The following ADAMTS19 variants were observed in gnomAD, a reference collection of about 807,000 sequenced individuals.
ADAMTS19 encodes A disintegrin and metalloproteinase with thrombospondin motifs 19.
In ADAMTS19, 93 loss-of-function variants were observed where a neutral mutation model predicts 153.3. The ratio of observed to expected loss-of-function variants is 0.61; its 90% confidence interval spans 0.51 to 0.72. ADAMTS19 has a LOEUF of 0.72. Among genes scored for constraint, ADAMTS19 ranks in the 30% least tolerant of loss-of-function variants. The pLI, the probability that ADAMTS19 is intolerant of heterozygous loss-of-function variation, is 0.00. For synonymous variants in ADAMTS19, 600 were observed against 556.6 expected, an observed-to-expected ratio of 1.08 and a Z score of -1.10; for missense variants, 1,482 against 1,552.1, an observed-to-expected ratio of 0.95 and a Z score of 0.76.
chr5:129,684,484 A>G (rs1754976812), intron 18 of ADAMTS19, among the ~76,000 whole-genome samples: 1 of 124,142 alleles, frequency 8.1e-6, no homozygotes, highest in South Asian at 2.6e-4. Context: ...ACATATCTCA[A>G]TATGACTACT....
chr5:129,650,029 A>G (rs1361453918), intron 13 of ADAMTS19, among the ~76,000 whole-genome samples: 1 of 152,064 alleles, frequency 6.6e-6, no homozygotes, highest in Admixed American at 6.6e-5. Context: ...AATACAGAAA[A>G]AAAAATTAGC....
At chr5:129,727,493 T>A (rs1200767661) in intron 21 of ADAMTS19, among the ~76,000 whole-genome samples, 2 of 152,194 alleles carry the variant, frequency 1.3e-5, no homozygotes, top group African/African-American at 4.8e-5. Context: ...TGGCAGTATG[T>A]GGAAAAGGGA....
chr5:129,467,968 G>C (rs115460545), intron 2 of ADAMTS19, among the ~76,000 whole-genome samples: 8 of 152,178 alleles, frequency 5.3e-5, no homozygotes, highest in African/African-American at 1.9e-4. Flanking sequence ...ACACACACAC[G>C]TGGTATTACC....
At chr5:129,557,294 C>A (rs989802109) in intron 7 of ADAMTS19, among the ~76,000 whole-genome samples, 3 of 152,046 alleles carry the variant, frequency 2.0e-5, no homozygotes, top group African/African-American at 7.2e-5. Flanking sequence ...TAAATTGAAT[C>A]AATTCTTTAA....
intron 18 of ADAMTS19, chr5:129,688,066 G>A (rs561351263): frequency 2.0e-4 from 31 of 152,146 alleles, no homozygotes; most frequent in African/African-American, 7.5e-4. Context: ...AAATATTTCT[G>A]GGCTTTTGGA....
intron 7 of ADAMTS19, among the ~76,000 whole-genome samples, chr5:129,587,267 T>A (rs1429339799): frequency 6.6e-6 from 1 of 152,126 alleles, no homozygotes; most frequent in Non-Finnish European, 1.5e-5. Flanking sequence ...TGATTTTTTT[T>A]ATAAATCCCA....
intron 8 of ADAMTS19, among the ~76,000 whole-genome samples, chr5:129,618,049 C>T (rs1404223441): frequency 6.6e-6 from 1 of 151,962 alleles, no homozygotes; most frequent in Non-Finnish European, 1.5e-5. Flanking sequence ...GTATATTTAA[C>T]AAATAAGGCA....
In ADAMTS19 at chr5:129,461,258, C is replaced by A; in HGVS notation, c.248C>A (p.Ala83Asp). The A allele has an allele frequency of 4.7e-6, 6 of 1,263,908 alleles. No individual in the cohort carries two copies. The highest frequency in any genetic ancestry group is 5.9e-6 in the Non-Finnish European group (6 of 1,010,178). The allele number at this position is 1,263,908 out of a possible 1,614,324, so 78.3% of individuals were successfully genotyped here. A position where few individuals can be genotyped will look rare whatever the true frequency, so the allele number is the denominator to read the frequency against. The change falls in exon 2 of 23, where the codon GCC becomes GAC. Residue 83 changes from alanine (A) to aspartate (D), a missense_variant. By Grantham distance (126) the Ala-to-Asp change is moderately radical. This residue lies in a region of ADAMTS19 where 866 missense variants were observed against 827.7 expected (regional missense o/e 1.05). Coordinates refer to ENST00000274487, the MANE Select transcript of ADAMTS19 (RefSeq NM_133638.6). This position sits in a 1 kb window ranked among gnomAD's most constrained non-coding sequence, Gnocchi z 4.6. The stretch of plus-strand genomic sequence containing the variant: ...GGCGGAAGCGCCCGGGCGCAGGCTG[C>A]CGGCAGCTCACGCGAGGTGCGCTCT... Reference protein sequence around the residue: ...GGGGSARAQAAGSSREVRSVA... With the variant: ...GGGGSARAQADGSSREVRSVA...
intron 8 of ADAMTS19, among the ~76,000 whole-genome samples, chr5:129,605,980 G>T (rs181175718): frequency 7.2e-5 from 11 of 152,114 alleles, no homozygotes; most frequent in Admixed American, 7.2e-4. Flanking sequence ...TTTTTGTTTT[G>T]ATTTTTGAAC....
At chr5:129,468,714 G>A in intron 2 of ADAMTS19, among the ~76,000 whole-genome samples, 1 of 152,034 alleles carries the variant, frequency 6.6e-6, no homozygotes, top group East Asian at 1.9e-4. Flanking sequence ...GTGAGGTTGA[G>A]TGTCTTTATA....
At chr5:129,732,583 G>T (rs750151441) in intron 21 of ADAMTS19, among the ~76,000 whole-genome samples, 2 of 152,016 alleles carry the variant, frequency 1.3e-5, no homozygotes, top group South Asian at 2.1e-4. Flanking sequence ...ACACACAAAA[G>T]AATTACTTAG....
intron 2 of ADAMTS19, among the ~76,000 whole-genome samples, chr5:129,484,137 A>C (rs1247827518): frequency 6.6e-6 from 1 of 152,142 alleles, no homozygotes; most frequent in Non-Finnish European, 1.5e-5. Flanking sequence ...TTACATCCTC[A>C]TCATCCTTTT....
At chr5:129,507,917 A>T (rs939643335) in intron 2 of ADAMTS19, among the ~76,000 whole-genome samples, 1 of 152,004 alleles carries the variant, frequency 6.6e-6, no homozygotes, top group Non-Finnish European at 1.5e-5. Context: ...TATTTGGTAC[A>T]GAATGCAATG....
chr5:129,464,429 T>C (rs765757236), intron 2 of ADAMTS19, among the ~76,000 whole-genome samples: 2 of 152,220 alleles, frequency 1.3e-5, no homozygotes, highest in Non-Finnish European at 2.9e-5. Flanking sequence ...GAAAGCTTTC[T>C]TATTGTCAGT....
chr5:129,575,861 T>G (rs889144923), intron 7 of ADAMTS19, among the ~76,000 whole-genome samples: 1 of 152,092 alleles, frequency 6.6e-6, no homozygotes, highest in African/African-American at 2.4e-5. Flanking sequence ...TCAAAATCTC[T>G]AAGGATTTGA....
chr5:129,561,435 A>T (rs1258316336), intron 7 of ADAMTS19, among the ~76,000 whole-genome samples: 1 of 151,918 alleles, frequency 6.6e-6, no homozygotes, highest in Non-Finnish European at 1.5e-5. Flanking sequence ...AGGCTGAGGC[A>T]GGAGAATGGC....
At chr5:129,733,838 A>G (rs988639747) in intron 21 of ADAMTS19, among the ~76,000 whole-genome samples, 1 of 151,996 alleles carries the variant, frequency 6.6e-6, no homozygotes, top group African/African-American at 2.4e-5. Flanking sequence ...TCCTTGTATC[A>G]AAAAGACACC....
chr5:129,652,110 T>G (rs2127050410), intron 13 of ADAMTS19, among the ~76,000 whole-genome samples: 1 of 152,324 alleles, frequency 6.6e-6, no homozygotes, highest in Non-Finnish European at 1.5e-5. Context: ...CTTCTGACTC[T>G]TACAAAGTGA....
intron 6 of ADAMTS19, among the ~76,000 whole-genome samples, chr5:129,540,580 A>G (rs1405942038): frequency 3.3e-5 from 5 of 152,110 alleles, no homozygotes; most frequent in African/African-American, 9.6e-5. Flanking sequence ...ATACATGTGA[A>G]AGTTAGTTTC....
Sources: gnomAD v4.1 joint callset for allele counts (sites outside exome capture counted in the v4.1 genomes callset) on GRCh38, gnomAD v4.1.1 for gene constraint, gnomAD v4.1.1 regional missense constraint, Gnocchi (gnomAD v3.1) non-coding constraint, MANE v1.5 for transcripts, NCBI Gene and HGNC (gene_info 2026-07-23, HGNC 2026-07-21) for gene names.